The following SNTB1 variants were observed in gnomAD, a reference collection of about 807,000 sequenced individuals.
SNTB1 encodes beta-1-syntrophin.
In SNTB1, 36 loss-of-function variants were observed where a neutral mutation model predicts 48.9. That is an observed-to-expected ratio of 0.74 (90% confidence interval 0.56 to 0.97). SNTB1 has a LOEUF of 0.97. SNTB1 is among the 50% of genes least tolerant of loss of function. The pLI is 0.00. For missense variants in SNTB1, 786 were observed against 703.4 expected, an observed-to-expected ratio of 1.12 and a Z score of -1.33; for synonymous variants, 299 against 294.6, an observed-to-expected ratio of 1.01 and a Z score of -0.15.
At chr8:120,621,305 G>A (rs917035722) in intron 3 of SNTB1, among the ~76,000 whole-genome samples, 25 of 152,204 alleles carry the variant, frequency 1.6e-4, no homozygotes, top group Non-Finnish European at 2.9e-4. Context: ...TACTGAGCAG[G>A]AAAGTGACCC....
intron 2 of SNTB1, among the ~76,000 whole-genome samples, chr8:120,656,276 A>G (rs1817501609): frequency 1.3e-5 from 2 of 152,290 alleles, no homozygotes; most frequent in Admixed American, 1.3e-4. Flanking sequence ...TCCCATTTCA[A>G]AAACAGGTCA....
intron 2 of SNTB1, among the ~76,000 whole-genome samples, chr8:120,651,799 C>T (rs369617770): frequency 1.2e-4 from 19 of 152,108 alleles, no homozygotes; most frequent in African/African-American, 4.6e-4. Flanking sequence ...TGTCATTGTG[C>T]CTGGGTGGTT....
chr8:120,635,820 T>C (rs1817066245), intron 2 of SNTB1: 2 of 288,918 alleles, frequency 6.9e-6, no homozygotes, highest in Admixed American at 4.5e-5. Context: ...AAGAGTCATA[T>C]GTACTTCCTT....
At chr8:120,707,069 C>T (rs543955644) in intron 1 of SNTB1, among the ~76,000 whole-genome samples, 1 of 152,102 alleles carries the variant, frequency 6.6e-6, no homozygotes, top group Non-Finnish European at 1.5e-5. Flanking sequence ...GCTATGGATA[C>T]CTCCTATTTT....
chr8:120,561,086 G>GGGAGGCTGAGATGAAT (rs1815647008), intron 4 of SNTB1, among the ~76,000 whole-genome samples: 1 of 151,966 alleles, frequency 6.6e-6, no homozygotes, highest in Admixed American at 6.6e-5. Context: ...CCAGCATTTG[G>GGGAGGCTGAGATGAAT]GGAGGCTGAG....
At chr8:120,626,855 A>C (rs1816892903) in intron 3 of SNTB1, among the ~76,000 whole-genome samples, 1 of 152,214 alleles carries the variant, frequency 6.6e-6, no homozygotes, top group Non-Finnish European at 1.5e-5. Context: ...TATCTTGAAC[A>C]GTATCAGTGT....
intron 1 of SNTB1, among the ~76,000 whole-genome samples, chr8:120,806,473 T>G (rs981269057): frequency 6.6e-6 from 1 of 152,278 alleles, no homozygotes; most frequent in African/African-American, 2.4e-5. Flanking sequence ...ACATGGTTTT[T>G]GTTTTAACAA....
At chr8:120,762,801 T>C (rs1192747279) in intron 1 of SNTB1, among the ~76,000 whole-genome samples, 2 of 152,072 alleles carry the variant, frequency 1.3e-5, no homozygotes, top group East Asian at 3.9e-4. Context: ...GTGCACTCAA[T>C]AAATGCTTGC....
At chr8:120,722,570 G>T (rs189268327) in intron 1 of SNTB1, among the ~76,000 whole-genome samples, 4,145 of 151,998 alleles carry the variant, frequency 0.027, 187 homozygotes, top group African/African-American at 0.094. Context: ...GTTCATATCC[G>T]TTGCTCACTT....
chr8:120,642,558 C>G (rs1439278272), intron 2 of SNTB1, among the ~76,000 whole-genome samples: 3 of 152,174 alleles, frequency 2.0e-5, no homozygotes, highest in Non-Finnish European at 4.4e-5. Context: ...CAACAGGTGG[C>G]TTCTGGAGAG....
Position 120,579,619 on chromosome 8 carries a change from C to A in SNTB1, c.997-4394G>T, listed in dbSNP as rs545251259. Among the ~76,000 whole-genome samples, 12 of 152,242 alleles carry A rather than the reference C, an allele frequency of 7.9e-5. No homozygotes were observed. In the East Asian group the frequency reaches 2.3e-3, roughly 29 times the overall value. On this transcript the variant is annotated intron_variant, in intron 3 of 6. Transcript: ENST00000517992. ...TGCTTGAGCCCAGGTGATGGAGTTG[C>A]AGTGAGTCAAGATTGCACCACTGCA...
intron 2 of SNTB1, among the ~76,000 whole-genome samples, chr8:120,649,909 G>A (rs991338112): frequency 9.9e-4 from 150 of 152,260 alleles, no homozygotes; most frequent in African/African-American, 3.2e-3. Context: ...CGCAGTATTC[G>A]GGTGGGAGTG....
rs1347017790 is a variant in SNTB1, at chr8:120,811,911, G to A, written c.-68C>T. 2 of 1,289,152 alleles carry A rather than the reference G, an allele frequency of 1.6e-6. No individual in the cohort carries two copies. Among genetic ancestry groups the A allele is most frequent in the South Asian group, 2.6e-5 (1 of 37,950 alleles). The allele number at this position is 1,289,152 out of a possible 1,614,324, so 79.9% of individuals were successfully genotyped here. A position where few individuals can be genotyped will look rare whatever the true frequency, so the allele number is the denominator to read the frequency against. On this transcript the variant is annotated 5_prime_UTR_variant, in exon 1 of 7. Coordinates refer to ENST00000517992, the MANE Select transcript of SNTB1 (RefSeq NM_021021.4). Reference sequence around the variant, plus strand: ...GAAAAGTGGGGAAGGGTGGCCGGGGGGAGGACGCGGGGCCCGGGGGAGCGA... The same window carrying A: ...GAAAAGTGGGGAAGGGTGGCCGGGGAGAGGACGCGGGGCCCGGGGGAGCGA...
chr8:120,707,082 A>G (rs891745020), intron 1 of SNTB1, among the ~76,000 whole-genome samples: 1 of 152,138 alleles, frequency 6.6e-6, no homozygotes, highest in African/African-American at 2.4e-5. Context: ...CCTATTTTGA[A>G]AGTGCTTTAT....
At chr8:120,794,494 C>T (rs969201175) in intron 1 of SNTB1, among the ~76,000 whole-genome samples, 1 of 151,414 alleles carries the variant, frequency 6.6e-6, no homozygotes, top group Non-Finnish European at 1.5e-5. Context: ...TATATATATA[C>T]ACACACACAC....
In SNTB1 at chr8:120,767,294, G is replaced by A. The variant is rs539275275; in HGVS notation, c.571+43979C>T. On this transcript the variant is annotated intron_variant, in intron 1 of 6. Transcript: ENST00000517992. ...TTATTCATCTGATTTTAAAGTTCAAGGAAAGCTGAATGATGATTCTCTGGG... is the reference window on the plus strand; with the variant it reads ...TTATTCATCTGATTTTAAAGTTCAAAGAAAGCTGAATGATGATTCTCTGGG... Among the ~76,000 whole-genome samples the A allele has an allele frequency of 2.7e-3, 414 of 152,228 alleles. 2 individuals are homozygous for A. The highest frequency in any genetic ancestry group is 5.0e-3 in the Non-Finnish European group (342 of 68,000).
intron 1 of SNTB1, among the ~76,000 whole-genome samples, chr8:120,782,805 G>A (rs1352834036): frequency 6.6e-6 from 1 of 152,082 alleles, no homozygotes; most frequent in Non-Finnish European, 1.5e-5. Flanking sequence ...CTCAAACTGG[G>A]AAAACACACA....
chr8:120,752,815 C>T (rs1431066818), intron 1 of SNTB1, among the ~76,000 whole-genome samples: 3 of 151,806 alleles, frequency 2.0e-5, no homozygotes, highest in African/African-American at 4.8e-5. Context: ...GCACAGGGGC[C>T]TACTTGAGGA....
intron 1 of SNTB1, among the ~76,000 whole-genome samples, chr8:120,739,618 A>C (rs1424278809): frequency 6.6e-6 from 1 of 152,188 alleles, no homozygotes; most frequent in Non-Finnish European, 1.5e-5. Flanking sequence ...TAGAAGAAGA[A>C]AAATAAGACA....
Sources: gnomAD v4.1 joint callset for allele counts (sites outside exome capture counted in the v4.1 genomes callset) on GRCh38, gnomAD v4.1.1 for gene constraint, MANE v1.5 for transcripts, NCBI Gene and HGNC (gene_info 2026-07-23, HGNC 2026-07-21) for gene names.